Variants in RDH11 observed in about 807,000 individuals in gnomAD.
RDH11 encodes the protein retinol dehydrogenase 11.
A neutral mutation model predicts 33.4 loss-of-function variants in RDH11; 19 were observed. The ratio of observed to expected loss-of-function variants is 0.57; its 90% CI spans 0.40 to 0.83. RDH11 has a LOEUF of 0.83. RDH11 is among the 40% of genes least tolerant of loss of function. The pLI is 0.00. For synonymous variants in RDH11, 154 were observed against 155.3 expected (o/e 0.99, Z 0.06); for missense variants, 353 against 389.0 (o/e 0.91, Z 0.78).
chr14:67,685,627 C>A (rs1231737174), intron 5 of RDH11, among the ~76,000 whole-genome samples: 1 of 151,390 alleles, frequency 6.6e-6, no homozygotes, highest in Admixed American at 6.6e-5. Flanking sequence ...CCACCCCATC[C>A]CCTTCATTTT....
intron 5 of RDH11, among the ~76,000 whole-genome samples, 199 bp from the exon 6 acceptor site, chr14:67,685,403 G>A (rs1327777073): frequency 6.6e-6 from 1 of 152,074 alleles, no homozygotes; most frequent in Non-Finnish European, 1.5e-5. Context: ...CAGTGCTAAG[G>A]ACCTCTGTGT....
At chr14:67,687,372 C>T (rs1237201410) in intron 5 of RDH11, among the ~76,000 whole-genome samples, 1 of 152,046 alleles carries the variant, frequency 6.6e-6, no homozygotes, top group Non-Finnish European at 1.5e-5. Flanking sequence ...CTTTCTACAA[C>T]CTACCAATGG....
intron 5 of RDH11, 79 bp downstream of exon 5, chr14:67,690,133 T>C (rs2037730211): frequency 2.3e-6 from 3 of 1,326,698 alleles, no homozygotes; most frequent in East Asian, 2.3e-5. Context: ...TGATGGGCTC[T>C]GGAAACAGTT....
chr14:67,677,861 C>G lies in RDH11; in HGVS notation c.*460G>C, dbSNP rs1265070855. The G allele has an allele frequency of 1.3e-5, 2 of 153,704 alleles. No homozygotes were observed. The highest frequency in any genetic ancestry group is 1.9e-4 in the East Asian group (1 of 5,222). The allele number at this position is 153,704 out of a possible 1,614,324, so 9.5% of individuals were successfully genotyped here. On this transcript the variant is annotated 3_prime_UTR_variant, in exon 7 of 7. Transcript: ENST00000381346. ...CCTCCGGTGATCCACCATGCCTGGG[C>G]AAGCCCTGCTCCTGAGCCAGTCTTT... is the stretch of plus-strand genomic sequence containing the variant.
intron 3 of RDH11, 187 bp from the exon 4 acceptor site, chr14:67,691,431 A>G (rs927957925): frequency 4.9e-5 from 26 of 531,636 alleles, no homozygotes; most frequent in African/African-American, 4.8e-4. Context: ...TACTTTTACT[A>G]TGGGGCAGAA....
rs1219215954 is a variant in RDH11 at position 67,690,399 on chromosome 14, C to A, written c.477G>T (p.Leu159=). 6.2e-7 allele frequency: 1 copy of A among 1,613,996 alleles called. No individual in the cohort carries two copies. Among genetic ancestry groups the A allele is most frequent in the Non-Finnish European group, 8.5e-7 (1 of 1,180,012 alleles). The change falls in exon 5 of 7, where the codon CTG becomes CTT. Residue 159 remains leucine, a synonymous_variant. Transcript: ENST00000381346. Reference sequence around the variant, plus strand: ...CTGATTCCTTTAGTTTCTCTAGCAGCAGATGGGTTAGGAGGAAGTGACCTG... The same window carrying A: ...CTGATTCCTTTAGTTTCTCTAGCAGAAGATGGGTTAGGAGGAAGTGACCTG... The part of the protein sequence containing the change: ...NHLGHFLLTH[L]LLEKLKESAP...
At chr14:67,691,766 G>T (rs565835229) in intron 3 of RDH11, 1 of 155,548 alleles carries the variant, frequency 6.4e-6, no homozygotes, top group Non-Finnish European at 1.4e-5. Flanking sequence ...AGATCCCTGG[G>T]CTATAAGGGG....
At chr14:67,680,920 A>C (rs755932117) in intron 6 of RDH11, among the ~76,000 whole-genome samples, 10 of 152,244 alleles carry the variant, frequency 6.6e-5, no homozygotes, top group Non-Finnish European at 1.5e-4. Context: ...GCATAAGGAC[A>C]GACATACAAA....
In RDH11 at chr14:67,678,168, C is replaced by T; in HGVS notation, c.*153G>A. ...AGACATTTAGACGAATCTGGCAGTACACTGAGTTTTAACTGGACACCAAGC... is the reference window on the plus strand; with the variant it reads ...AGACATTTAGACGAATCTGGCAGTATACTGAGTTTTAACTGGACACCAAGC... On this transcript the variant is annotated 3_prime_UTR_variant, in exon 7 of 7. Transcript: ENST00000381346. The T allele has an allele frequency of 1.7e-6, 1 of 583,352 alleles. No homozygotes were observed. Among genetic ancestry groups the T allele is most frequent in the Admixed American group, 3.0e-5 (1 of 33,748 alleles). 36.1% of individuals were successfully genotyped at this position (583,352 alleles called of 1,614,324 possible). A position where few individuals can be genotyped will look rare whatever the true frequency, so the allele number is the denominator to read the frequency against.
chr14:67,689,038 C>T (rs568705733), intron 5 of RDH11, among the ~76,000 whole-genome samples: 1 of 152,282 alleles, frequency 6.6e-6, no homozygotes, highest in East Asian at 1.9e-4. Flanking sequence ...ATCAGAGTCA[C>T]CTCATTCATG....
At chr14:67,680,170 G>A (rs748204388) in intron 6 of RDH11, among the ~76,000 whole-genome samples, 39 of 152,182 alleles carry the variant, frequency 2.6e-4, no homozygotes, top group Non-Finnish European at 4.9e-4. Context: ...ACTAAAGTTT[G>A]AGAAATACCA....
intron 6 of RDH11, among the ~76,000 whole-genome samples, chr14:67,682,099 G>A (rs4899218): frequency 0.037 from 5,566 of 152,090 alleles, 297 homozygotes; most frequent in African/African-American, 0.12. Context: ...CTCAGCCTCC[G>A]GAACCATGAG....
Position 67,678,337 on chromosome 14 carries a change from C to G in RDH11, c.941G>C (p.Gly314Ala), listed in dbSNP as rs1423703767. ...CACTGCCTGTTAGTCTATTGGGAGG[C>G]CCAGCAGGTCACAACTGACGTCCCA... ...RLWDVSCDLL[G>A]LPID is the part of the protein sequence containing the mutation. Residue 314 changes from glycine to alanine, a missense_variant, in exon 7 of 7, where the codon GGC becomes GCC. Coordinates refer to ENST00000381346, the MANE Select transcript of RDH11 (RefSeq NM_016026.4). 1.2e-6 allele frequency: 2 copies of G among 1,612,472 alleles called. No individual in the cohort carries two copies. Among genetic ancestry groups the G allele is most frequent in the Non-Finnish European group, 1.7e-6 (2 of 1,178,616 alleles).
At chr14:67,686,284 AC>A (rs1433463022) in intron 5 of RDH11, 3 of 152,214 alleles carry the variant, frequency 2.0e-5, no homozygotes, top group African/African-American at 7.2e-5. Context: ...CATAATACTT[AC>A]AACCTCACAG....
At chr14:67,680,123 C>G (rs2037596340) in intron 6 of RDH11, among the ~76,000 whole-genome samples, 1 of 152,186 alleles carries the variant, frequency 6.6e-6, no homozygotes, top group Non-Finnish European at 1.5e-5. Context: ...GTCCAGGAAT[C>G]TATTTTCAAC....
intron 2 of RDH11, 134 bp from the exon 3 acceptor site, chr14:67,692,727 G>T: frequency 9.4e-7 from 1 of 1,062,046 alleles, no homozygotes; most frequent in Non-Finnish European, 1.4e-6. Flanking sequence ...TATCTGATTA[G>T]CAAATAGGTA....
Position 67,690,841 on chromosome 14 carries a change from T to C in RDH11, c.454+299A>G, listed in dbSNP as rs1413016812. ...TTACAAAAAAAGAGCAGATGACCTA[T>C]ACCTGATGCTGGCCACAAGGATCAC... On this transcript the variant is annotated intron_variant, in intron 4 of 6. Coordinates refer to ENST00000381346, the MANE Select transcript of RDH11 (RefSeq NM_016026.4). 7.4e-6 allele frequency: 3 copies of C among 406,806 alleles called. No individual in the cohort carries two copies. In the East Asian group the frequency reaches 1.4e-4, roughly 19 times the overall value. 25.2% of individuals were successfully genotyped at this position (406,806 alleles called of 1,614,324 possible). A position where few individuals can be genotyped will look rare whatever the true frequency, so the allele number is the denominator to read the frequency against.
At chr14:67,690,859 A>G (rs2037740819) in intron 4 of RDH11, 1 of 427,440 alleles carries the variant, frequency 2.3e-6, no homozygotes, top group Non-Finnish European at 4.2e-6. Context: ...GCTGGCCACA[A>G]GGATCACTAC....
rs1052226811 is a variant in RDH11 at position 67,677,144 on chromosome 14, G to A, written c.*1177C>T. On this transcript the variant is annotated 3_prime_UTR_variant, in exon 7 of 7. Coordinates refer to ENST00000381346, the MANE Select transcript of RDH11 (RefSeq NM_016026.4). Reference sequence around the variant, plus strand: ...GAATAGCACACTCCAAACAAGTGATGGGAACACTACTAATTCCTTAGACTT... The same window carrying A: ...GAATAGCACACTCCAAACAAGTGATAGGAACACTACTAATTCCTTAGACTT... The A allele has an allele frequency of 1.8e-4, 27 of 152,036 alleles. No individual in the cohort carries two copies. The highest frequency in any genetic ancestry group is 6.3e-4 in the African/African-American group (26 of 41,408). The allele number at this position is 152,036 out of a possible 1,614,324, so 9.4% of individuals were successfully genotyped here. A position where few individuals can be genotyped will look rare whatever the true frequency, so the allele number is the denominator to read the frequency against.
Sources: allele counts gnomAD v4.1 joint callset (sites outside exome capture counted in the v4.1 genomes callset), GRCh38; gene constraint gnomAD v4.1.1; transcripts MANE v1.5; gene names NCBI Gene and HGNC (gene_info 2026-07-23, HGNC 2026-07-21).